The following SULT6B1 variants were observed in gnomAD, a reference collection of about 807,000 sequenced individuals.
The protein encoded by SULT6B1 is sulfotransferase family 6B member 1.
SULT6B1 carries 44 observed loss-of-function variants against 37.2 expected under a neutral mutation model. That is an observed-to-expected ratio of 1.18 (90% CI 0.93 to 1.52). The LOEUF (loss-of-function observed/expected upper bound fraction) is 1.52, where lower values mean the gene tolerates loss of function less well. Ranked by LOEUF, SULT6B1 falls within the 40% of genes most tolerant of loss-of-function variation. The pLI, the probability that SULT6B1 is intolerant of heterozygous loss-of-function variation, is 0.00. For synonymous variants in SULT6B1, 140 were observed against 126.0 expected, an observed-to-expected ratio of 1.11 and a Z score of -0.74; for missense variants, 450 against 361.0, an observed-to-expected ratio of 1.25 and a Z score of -2.00.
chr2:37,188,762 A>T (rs1676726675), upstream of SULT6B1: 1 of 505,986 alleles, frequency 2.0e-6, no homozygotes, highest in Non-Finnish European at 3.6e-6. Context: ...AAATCATTTA[A>T]TTCTCATCCA....
At chr2:37,184,764 G>A (rs1466367242) in intron 2 of SULT6B1, among the ~76,000 whole-genome samples, 4 of 152,040 alleles carry the variant, frequency 2.6e-5, no homozygotes, top group East Asian at 1.9e-4. Flanking sequence ...CCCGGGAGGC[G>A]GATGTTGCGG....
At chr2:37,175,312 A>G in intron 4 of SULT6B1, 86 bp from the exon 5 acceptor site, 1 of 655,054 alleles carries the variant, frequency 1.5e-6, no homozygotes, top group Non-Finnish European at 2.5e-6. Context: ...AATATAAACT[A>G]TACATATGTG....
intron 5 of SULT6B1, among the ~76,000 whole-genome samples, chr2:37,172,069 A>G (rs1445062968): frequency 6.7e-6 from 1 of 148,192 alleles, no homozygotes; most frequent in Non-Finnish European, 1.5e-5. Flanking sequence ...TTTTTTTTAG[A>G]CAGGGTCTTT....
intron 2 of SULT6B1, 65 bp downstream of exon 2, chr2:37,187,290 T>A: frequency 8.9e-7 from 1 of 1,122,282 alleles, no homozygotes; most frequent in Non-Finnish European, 1.3e-6. Flanking sequence ...AACTAAAGAA[T>A]CTCCAAACCG....
chr2:37,178,093 G>A (rs1180500833), intron 4 of SULT6B1, among the ~76,000 whole-genome samples: 1 of 152,082 alleles, frequency 6.6e-6, no homozygotes, highest in African/African-American at 2.4e-5. Context: ...TGCCCAGGCT[G>A]GAGTGCAATG....
chr2:37,169,096 A>C (rs1333002370), intron 6 of SULT6B1, among the ~76,000 whole-genome samples: 3 of 152,228 alleles, frequency 2.0e-5, no homozygotes, highest in Non-Finnish European at 4.4e-5. Flanking sequence ...TCTATGCTTT[A>C]TGAATTTTCT....
chr2:37,171,707 C>G (rs1676307589), intron 5 of SULT6B1, 117 bp from the exon 6 acceptor site: 1 of 846,384 alleles, frequency 1.2e-6, no homozygotes, highest in Non-Finnish European at 1.8e-6. Context: ...ATCTCATCCC[C>G]CACTTTAAAC....
In SULT6B1 at chr2:37,171,552, C is replaced by G. The variant is rs1209320826; in HGVS notation, c.663G>C (p.Leu221Phe). 5.0e-6 allele frequency: 8 copies of G among 1,613,944 alleles called. No individual in the cohort carries two copies. The African/African-American group carries it at 1.1e-4, about 22-fold the overall frequency. Residue 221 changes from leucine to phenylalanine, a missense_variant, in exon 6 of 7, where the codon TTG (leucine) becomes TTC (phenylalanine). By Grantham distance (22) the Leu-to-Phe change is conservative (BLOSUM62 0). Transcript: ENST00000535679. ...AAGIKQIAEF[L>F]GFFLTGEQIQ... Reference sequence around the variant, plus strand: ...TTTGCTCCCCAGTTAGAAAGAATCCCAAGAACTCAGCAATCTGTTTTATTC... The same window carrying G: ...TTTGCTCCCCAGTTAGAAAGAATCCGAAGAACTCAGCAATCTGTTTTATTC...
rs183895346 is a variant in SULT6B1, at chr2:37,169,036, C to T, written c.782-971G>A. On this transcript the variant is annotated intron_variant, in intron 6 of 6. Coordinates refer to ENST00000535679, the MANE Select transcript of SULT6B1 (RefSeq NM_001367551.1). ...AAGAAAATATGCCAGAAAGTTAAAC[C>T]TACCTCTGGTGGAAGAAATTTGGAT... is the stretch of plus-strand genomic sequence containing the variant. 2.2e-3 allele frequency among the ~76,000 whole-genome samples: 341 copies of T among 152,320 alleles called. 2 individuals carry two copies. Among genetic ancestry groups the T allele is most frequent in the African/African-American group, 7.8e-3 (324 of 41,586 alleles).
intron 3 of SULT6B1, among the ~76,000 whole-genome samples, chr2:37,183,176 T>C (rs539120744): frequency 1.3e-5 from 2 of 152,348 alleles, no homozygotes; most frequent in East Asian, 3.9e-4. Flanking sequence ...CAGAAAATTA[T>C]TCACTGTAAA....
intron 1 of SULT6B1, 96 bp from the exon 2 acceptor site, chr2:37,187,563 C>T: frequency 1.5e-6 from 1 of 651,712 alleles, no homozygotes; most frequent in Non-Finnish European, 2.5e-6. Context: ...TTAAAATCTA[C>T]AACCATTCCC....
At position 37,167,946 on chromosome 2, in the gene SULT6B1, A is replaced by G; in HGVS notation, c.901T>C (p.Cys301Arg). Residue 301 changes from cysteine to arginine, a missense_variant, in exon 7 of 7, where the codon TGC becomes CGC. By Grantham distance (180) the Cys-to-Arg change is radical (BLOSUM62 -3). Transcript: ENST00000535679. The stretch of plus-strand genomic sequence containing the variant: ...TGAATTGACTGGAATCAACCCTGGC[A>G]ATATGATTCATACTTCAACTTTGCT... ...LGAKLKYESY[C>R]QG 2 of 1,591,230 alleles carry G rather than the reference A, an allele frequency of 1.3e-6. No homozygotes were observed. The highest frequency in any genetic ancestry group is 1.7e-6 in the Non-Finnish European group (2 of 1,174,508).
At chr2:37,190,525 G>C (rs1033680099), upstream of SULT6B1, among the ~76,000 whole-genome samples, 6 of 152,126 alleles carry the variant, frequency 3.9e-5, no homozygotes, top group Non-Finnish European at 1.5e-5. Context: ...CTTATGAAAT[G>C]GGTGTTGCTT....
At chr2:37,178,600 G>T (rs576550612) in intron 4 of SULT6B1, among the ~76,000 whole-genome samples, 2 of 139,542 alleles carry the variant, frequency 1.4e-5, no homozygotes, top group Non-Finnish European at 3.1e-5. Context: ...CTCATAGTTT[G>T]TTATAAATCT....
chr2:37,184,820 A>G (rs1490870650), intron 2 of SULT6B1, among the ~76,000 whole-genome samples: 1 of 151,468 alleles, frequency 6.6e-6, no homozygotes, highest in East Asian at 1.9e-4. Flanking sequence ...CGACAGAGTG[A>G]GACTCCATTT....
chr2:37,167,898 A>C lies in SULT6B1; in HGVS notation c.*37T>G. The stretch of plus-strand genomic sequence containing the variant: ...TAATTATTTACACTTAATTATTATT[A>C]AGGAAAATAAATCTAGGCCTGCTGA... On this transcript the variant is annotated 3_prime_UTR_variant, in exon 7 of 7. Transcript: ENST00000535679. 1 of 1,514,388 alleles carries C rather than the reference A, an allele frequency of 6.6e-7. No individual in the cohort carries two copies. Among genetic ancestry groups the C allele is most frequent in the Non-Finnish European group, 8.8e-7 (1 of 1,139,758 alleles). 93.8% of individuals were successfully genotyped at this position (1,514,388 alleles called of 1,614,324 possible).
upstream of SULT6B1, among the ~76,000 whole-genome samples, chr2:37,192,001 G>A (rs1363222096): frequency 6.6e-6 from 1 of 152,222 alleles, no homozygotes; most frequent in Non-Finnish European, 1.5e-5. Context: ...CCAGCAGCGG[G>A]CTGAGTGTGG....
chr2:37,190,786 A>C (rs1021260699), upstream of SULT6B1, among the ~76,000 whole-genome samples: 1 of 152,038 alleles, frequency 6.6e-6, no homozygotes, highest in Admixed American at 6.6e-5. Context: ...GTTTCAACGG[A>C]TATCTTGGGT....
chr2:37,188,465 A>ACGATGTCATCATGTCTGGCTT lies in SULT6B1; in HGVS notation c.155_175dup (p.Glu52_Ile58dup), dbSNP rs769365445. On this transcript the variant is annotated inframe_insertion, in exon 1 of 7. Transcript: ENST00000535679. Reference sequence around the variant, plus strand: ...ACCGCACTTTGGATAAGATGCTAGCACGATGTCATCATGTCTGGCTTCGAA... The same window carrying ACGATGTCATCATGTCTGGCTT: ...ACCGCACTTTGGATAAGATGCTAGCACGATGTCATCATGTCTGGCTTCGATGTCATCATGTCTGGCTTCGAA... 5.6e-6 allele frequency: 9 copies of ACGATGTCATCATGTCTGGCTT among 1,613,958 alleles called. No homozygotes were observed. The South Asian group carries it at 8.8e-5, about 16-fold the overall frequency.
Sources: allele counts gnomAD v4.1 joint callset (sites outside exome capture counted in the v4.1 genomes callset), GRCh38; gene constraint gnomAD v4.1.1; transcripts MANE v1.5; gene names NCBI Gene and HGNC (gene_info 2026-07-23, HGNC 2026-07-21).